The following SLC9A9 variants were observed in gnomAD, a reference collection of about 807,000 sequenced individuals.
SLC9A9 encodes sodium/hydrogen exchanger 9.
Under a neutral mutation model 77.8 loss-of-function variants are expected in SLC9A9, and 62 were observed. That is an observed-to-expected ratio of 0.80 (90% CI 0.65 to 0.98). The LOEUF (loss-of-function observed/expected upper bound fraction) is 0.98, where lower values mean the gene tolerates loss of function less well. SLC9A9 is among the 50% of genes least tolerant of loss of function. The pLI, the probability that SLC9A9 is intolerant of heterozygous loss-of-function variation, is 0.00. For synonymous variants in SLC9A9, 320 were observed against 283.5 expected (o/e 1.13, Z -1.29); for missense variants, 775 against 774.9 (o/e 1.00, Z 0.00).
chr3:143,817,145 ATT>A (rs61053850), intron 2 of SLC9A9, among the ~76,000 whole-genome samples: 138 of 110,990 alleles, frequency 1.2e-3, no homozygotes, highest in African/African-American at 2.9e-3. Context: ...TTTTTTTTTT[ATT>A]TTTTTTTTTT....
intron 2 of SLC9A9, among the ~76,000 whole-genome samples, chr3:143,800,050 C>G (rs866882596): frequency 6.6e-6 from 1 of 152,122 alleles, no homozygotes; most frequent in Non-Finnish European, 1.5e-5. Context: ...CTTATTAAGT[C>G]GAGACATTTT....
chr3:143,587,346 G>A (rs1190057673), intron 6 of SLC9A9, among the ~76,000 whole-genome samples: 1 of 152,186 alleles, frequency 6.6e-6, no homozygotes, highest in East Asian at 1.9e-4. Context: ...TCAATGACAA[G>A]GATTGAAAAG....
intron 14 of SLC9A9, among the ~76,000 whole-genome samples, chr3:143,342,814 T>C (rs2032147637): frequency 6.6e-6 from 1 of 152,232 alleles, no homozygotes; most frequent in South Asian, 2.1e-4. Context: ...TGGTGCATGT[T>C]CAACCTCAGG....
At chr3:143,750,064 G>A (rs1159447038) in intron 4 of SLC9A9, among the ~76,000 whole-genome samples, 1 of 152,048 alleles carries the variant, frequency 6.6e-6, no homozygotes, top group Non-Finnish European at 1.5e-5. Flanking sequence ...AAAGCTCCGG[G>A]CAGACACAGA....
chr3:143,305,377 T>C (rs2030737493), intron 14 of SLC9A9, among the ~76,000 whole-genome samples: 1 of 152,080 alleles, frequency 6.6e-6, no homozygotes, highest in Admixed American at 6.5e-5. Context: ...TTGACAGTGA[T>C]AGAAGGTAGA....
intron 14 of SLC9A9, among the ~76,000 whole-genome samples, chr3:143,289,805 C>T (rs116476689): frequency 0.01 from 1,589 of 152,262 alleles, 31 homozygotes; most frequent in African/African-American, 0.037. Flanking sequence ...CCCTGCTCCA[C>T]CTCCCCTCCC....
intron 14 of SLC9A9, among the ~76,000 whole-genome samples, chr3:143,307,206 G>A (rs987021906): frequency 6.6e-6 from 1 of 152,124 alleles, no homozygotes; most frequent in African/African-American, 2.4e-5. Context: ...TAGCTATGGG[G>A]GCAATGTTTA....
At position 143,360,427 on chromosome 3, in the gene SLC9A9, T is replaced by C. The variant is rs1295793734; in HGVS notation, c.1604+3057A>G. ...CATCAGTTTTGGCATCATAGGCTTC[T>C]TTCCAACAGGGGAGCCGCTGTTGCA... On this transcript the variant is annotated intron_variant, in intron 14 of 15. Coordinates refer to ENST00000316549, the MANE Select transcript of SLC9A9 (RefSeq NM_173653.4). Among the ~76,000 whole-genome samples, 3 of 152,200 alleles carry C rather than the reference T, an allele frequency of 2.0e-5. No individual in the cohort carries two copies. The East Asian group carries it at 5.8e-4, about 29-fold the overall frequency.
In SLC9A9 at chr3:143,664,393, C is replaced by A. The variant is rs569360236; in HGVS notation, c.650-12033G>T. On this transcript the variant is annotated intron_variant, in intron 5 of 15. Coordinates refer to ENST00000316549, the MANE Select transcript of SLC9A9 (RefSeq NM_173653.4). ...CAAAAACATGCCAAATTGTAAAGAC[C>A]ATCGATGCTAGGAAGAAACTGCATC... Among the ~76,000 whole-genome samples the A allele has an allele frequency of 2.6e-5, 4 of 152,272 alleles. No homozygotes were observed. In the East Asian group the frequency reaches 7.7e-4, roughly 29 times the overall value.
chr3:143,845,273 C>A (rs537561705), intron 1 of SLC9A9, among the ~76,000 whole-genome samples: 17 of 152,160 alleles, frequency 1.1e-4, no homozygotes, highest in African/African-American at 4.1e-4. Flanking sequence ...CCTTCCCCAT[C>A]TATGATTCCA....
At chr3:143,676,023 T>A (rs1223885268) in intron 5 of SLC9A9, among the ~76,000 whole-genome samples, 2 of 152,004 alleles carry the variant, frequency 1.3e-5, no homozygotes, top group Non-Finnish European at 2.9e-5. Context: ...GTGGGGATGG[T>A]TTCGGAATGA....
At chr3:143,482,076 CTG>C (rs1427882541) in intron 11 of SLC9A9, among the ~76,000 whole-genome samples, 1 of 152,216 alleles carries the variant, frequency 6.6e-6, no homozygotes, top group Non-Finnish European at 1.5e-5. Context: ...CTCTTAAAAA[CTG>C]TGCTTCTATA....
intron 6 of SLC9A9, chr3:143,626,822 C>G (rs912872623): frequency 1.3e-5 from 2 of 151,210 alleles, no homozygotes; most frequent in African/African-American, 4.8e-5. Flanking sequence ...TATCCCATGA[C>G]AGATAGACAA....
At chr3:143,808,641 A>C (rs564345494) in intron 2 of SLC9A9, among the ~76,000 whole-genome samples, 1 of 152,302 alleles carries the variant, frequency 6.6e-6, no homozygotes, top group East Asian at 1.9e-4. Context: ...CTGTTATATA[A>C]ACTATTTGGA....
chr3:143,316,288 T>C (rs2031211397), intron 14 of SLC9A9, among the ~76,000 whole-genome samples: 1 of 152,204 alleles, frequency 6.6e-6, no homozygotes, highest in African/African-American at 2.4e-5. Context: ...GTCAAGGAGT[T>C]TGCCATCAGT....
In SLC9A9 at chr3:143,813,104, C is replaced by T. The variant is rs182926466; in HGVS notation, c.379-16201G>A. Among the ~76,000 whole-genome samples the T allele has an allele frequency of 9.5e-3, 1,439 of 152,018 alleles. 14 individuals carry two copies. The highest frequency in any genetic ancestry group is 0.048 in the Middle Eastern group (14 of 294). Reference sequence around the variant, plus strand: ...AGTAAGGGACTAGGGGTGACCTTCTCGGTGCTGGTTTCATATCTGTAAATA... The same window carrying T: ...AGTAAGGGACTAGGGGTGACCTTCTTGGTGCTGGTTTCATATCTGTAAATA... On this transcript the variant is annotated intron_variant, in intron 2 of 15. Transcript: ENST00000316549.
intron 14 of SLC9A9, among the ~76,000 whole-genome samples, chr3:143,352,468 G>A (rs2032483564): frequency 7.4e-6 from 1 of 135,116 alleles, no homozygotes; most frequent in Non-Finnish European, 1.5e-5. Context: ...GATGTCAAAG[G>A]CAATGGTTTC....
intron 12 of SLC9A9, among the ~76,000 whole-genome samples, chr3:143,443,477 AG>A (rs1373260556): frequency 6.6e-6 from 1 of 152,190 alleles, no homozygotes; most frequent in Non-Finnish European, 1.5e-5. Context: ...GCTTCTGTGA[AG>A]GGTACCATTT....
intron 6 of SLC9A9, among the ~76,000 whole-genome samples, chr3:143,579,902 CA>C (rs1301134216): frequency 6.6e-6 from 1 of 152,060 alleles, no homozygotes; most frequent in African/African-American, 2.4e-5. Context: ...TGTGTGGCAT[CA>C]AAAAAGGTAG....
Sources: gnomAD v4.1 joint callset for allele counts (sites outside exome capture counted in the v4.1 genomes callset) on GRCh38, gnomAD v4.1.1 for gene constraint, MANE v1.5 for transcripts, NCBI Gene and HGNC (gene_info 2026-07-23, HGNC 2026-07-21) for gene names.